LIFR: variants seen among roughly 807,000 people sequenced by gnomAD.
LIFR encodes the protein leukemia inhibitory factor receptor.
Under a neutral mutation model 122.2 loss-of-function variants are expected in LIFR, and 84 were observed. The ratio of observed to expected loss-of-function variants is 0.69; its 90% CI spans 0.58 to 0.82. The LOEUF (loss-of-function observed/expected upper bound fraction) is 0.82. Ranked by LOEUF, LIFR falls within the 40% of genes least tolerant of loss-of-function variation. The pLI, the probability that LIFR is intolerant of heterozygous loss-of-function variation, is 0.00. For missense variants in LIFR, 1,294 were observed against 1,311.6 expected, an observed-to-expected ratio of 0.99 and a Z score of 0.21; for synonymous variants, 422 against 434.7, an observed-to-expected ratio of 0.97 and a Z score of 0.36.
chr5:38,481,662 T>C lies in LIFR; in HGVS notation c.3227A>G (p.Asp1076Gly). ...RQFLIPPKDE[D>G]SPKSNGGGWS... ...CCCTCCTCCATTAGATTTAGGAGAG[T>C]CTTCATCTTTAGGAGGAATCAAAAA... is the stretch of plus-strand genomic sequence containing the variant. Residue 1076 changes from aspartate to glycine, a missense_variant, in exon 20 of 20, where the codon GAC becomes GGC. Physicochemically the swap from Asp to Gly is moderately conservative, Grantham distance 94. Transcript: ENST00000453190. The C allele has an allele frequency of 6.2e-7, 1 of 1,613,900 alleles. No homozygotes were observed. The highest frequency in any genetic ancestry group is 8.5e-7 in the Non-Finnish European group (1 of 1,179,836).
Position 38,506,569 on chromosome 5 carries a change from C to T in LIFR, c.1055G>A (p.Ser352Asn). 6.2e-7 allele frequency: 1 copy of T among 1,613,738 alleles called. No homozygotes were observed. Among genetic ancestry groups the T allele is most frequent in the East Asian group, 2.2e-5 (1 of 44,858 alleles). Residue 352 changes from serine (S) to asparagine (N), a missense_variant, in exon 8 of 20, where the codon AGT (serine) becomes AAT (asparagine). Coordinates refer to ENST00000453190, the MANE Select transcript of LIFR (RefSeq NM_001127671.2). Reference sequence around the variant, plus strand: ...CGCTGTCACCCTTCCTGGATTCCAACTACATATAATTTCTTTTAAATCATG... The same window carrying T: ...CGCTGTCACCCTTCCTGGATTCCAATTACATATAATTTCTTTTAAATCATG... ...ETHDLKEIICSWNPGRVTALV... is the reference protein window; with the variant it reads ...ETHDLKEIICNWNPGRVTALV...
At chr5:38,496,103 T>C (rs185598490) in intron 13 of LIFR, among the ~76,000 whole-genome samples, 203 of 152,292 alleles carry the variant, frequency 1.3e-3, no homozygotes, top group African/African-American at 4.8e-3. Flanking sequence ...TTAAAATATT[T>C]CTTCCTAAAA....
At chr5:38,521,661 T>C (rs563871836) in intron 5 of LIFR, among the ~76,000 whole-genome samples, 2 of 152,282 alleles carry the variant, frequency 1.3e-5, no homozygotes, top group East Asian at 3.9e-4. Context: ...CTCAGGCCCC[T>C]GGCCAGCAGG....
At chr5:38,520,347 C>T (rs1746336649) in intron 5 of LIFR, among the ~76,000 whole-genome samples, 1 of 152,046 alleles carries the variant, frequency 6.6e-6, no homozygotes, top group African/African-American at 2.4e-5. Flanking sequence ...TTTTAGTTCA[C>T]GGTAGGTTCT....
At chr5:38,590,650 C>T (rs1749893546) in intron 1 of LIFR, among the ~76,000 whole-genome samples, 1 of 152,178 alleles carries the variant, frequency 6.6e-6, no homozygotes, top group Non-Finnish European at 1.5e-5. Flanking sequence ...AATTCATTAG[C>T]ATGTATTGAG....
intron 12 of LIFR, 147 bp from the exon 13 acceptor site, chr5:38,496,742 C>T (rs1224525036): frequency 2.2e-5 from 15 of 688,956 alleles, no homozygotes; most frequent in East Asian, 1.9e-4. Flanking sequence ...GCACTTAGGC[C>T]GAGGCAGGTG....
At position 38,478,214 on chromosome 5, in the gene LIFR, A is replaced by G; in HGVS notation, c.*3381T>C. 4.8e-6 allele frequency: 1 copy of G among 207,720 alleles called. No individual in the cohort carries two copies. Among genetic ancestry groups the G allele is most frequent in the Non-Finnish European group, 9.8e-6 (1 of 101,966 alleles). 12.9% of individuals were successfully genotyped at this position (207,720 alleles called of 1,614,324 possible). ...TATAGGACTTATTTCCAACAAGAAT[A>G]CAATATGCATGAAGTTTTGAAAATG... On this transcript the variant is annotated 3_prime_UTR_variant, in exon 20 of 20. Coordinates refer to ENST00000453190, the MANE Select transcript of LIFR (RefSeq NM_001127671.2).
Position 38,499,401 on chromosome 5 carries a change from G to C in LIFR, c.1671+112C>G, listed in dbSNP as rs1042776064. ...ACCAGGTTAGATTCTCACCAATATT[G>C]CAACAAAAGCCAGTCTGGGAAGTTT... On this transcript the variant is annotated intron_variant, in intron 12 of 19. Coordinates refer to ENST00000453190, the MANE Select transcript of LIFR (RefSeq NM_001127671.2). 2.6e-5 allele frequency: 20 copies of C among 757,688 alleles called. No homozygotes were observed. The African/African-American group carries it at 2.8e-4, about 10-fold the overall frequency. The allele number at this position is 757,688 out of a possible 1,614,324, so 46.9% of individuals were successfully genotyped here. A position where few individuals can be genotyped will look rare whatever the true frequency, so the allele number is the denominator to read the frequency against.
At position 38,548,289 on chromosome 5, in the gene LIFR, T is replaced by A. The variant is rs569439838; in HGVS notation, c.-20+8045A>T. Reference sequence around the variant, plus strand: ...TTGTGTAATGTAAGTCATCACTAAATCATTCATGAATGTCAACGAAGTGAA... The same window carrying A: ...TTGTGTAATGTAAGTCATCACTAAAACATTCATGAATGTCAACGAAGTGAA... On this transcript the variant is annotated intron_variant, in intron 1 of 19. Transcript: ENST00000453190. Among the ~76,000 whole-genome samples the A allele has an allele frequency of 7.2e-5, 11 of 152,324 alleles. No homozygotes were observed. In the South Asian group the frequency reaches 2.3e-3, roughly 32 times the overall value.
intron 1 of LIFR, among the ~76,000 whole-genome samples, chr5:38,544,593 C>T (rs536136211): frequency 6.6e-6 from 1 of 152,180 alleles, no homozygotes; most frequent in Non-Finnish European, 1.5e-5. Flanking sequence ...AAATCCCGCA[C>T]CACAACCACA....
At chr5:38,582,216 G>A (rs1056391339) in intron 1 of LIFR, among the ~76,000 whole-genome samples, 1 of 151,932 alleles carries the variant, frequency 6.6e-6, no homozygotes. Flanking sequence ...CCTGGCTACA[G>A]CCTTTTCTTG....
chr5:38,543,599 C>T (rs1462844389), intron 1 of LIFR, among the ~76,000 whole-genome samples: 2 of 152,180 alleles, frequency 1.3e-5, no homozygotes, highest in African/African-American at 4.8e-5. Flanking sequence ...AAATTCTCCT[C>T]AGGAGATATC....
chr5:38,490,542 AC>A, intron 14 of LIFR: 1 of 223,644 alleles, frequency 4.5e-6, no homozygotes. Flanking sequence ...GAAGAGAACA[AC>A]GATGATTTAA....
chr5:38,580,445 C>G (rs1034487497), intron 1 of LIFR, among the ~76,000 whole-genome samples: 2 of 150,732 alleles, frequency 1.3e-5, no homozygotes, highest in African/African-American at 4.8e-5. Context: ...TCTGGCTCTT[C>G]CTCCTAGATC....
chr5:38,506,423 T>C (rs1022067068), intron 8 of LIFR, 80 bp downstream of exon 8: 41 of 1,490,072 alleles, frequency 2.8e-5, no homozygotes, highest in Non-Finnish European at 3.6e-5. Context: ...ATAAATGATC[T>C]AGTGCAGTTC....
rs3079290 is a variant in LIFR at position 38,592,656 on chromosome 5, C to CA, written c.-20+2604dup. Among the ~76,000 whole-genome samples the CA allele has an allele frequency of 8.1e-3, 932 of 115,584 alleles. 14 individuals are homozygous for CA. The highest frequency in any genetic ancestry group is 0.012 in the Non-Finnish European group (633 of 50,692). 75.8% of individuals were successfully genotyped at this position (115,584 alleles called of 152,430 possible). A position where few individuals can be genotyped will look rare whatever the true frequency, so the allele number is the denominator to read the frequency against. ...TGGGCGACAGAGCGAGACTCCGTCTCAAAAAAAAAAAAAAAAAAAGTTACG... is the reference window on the plus strand; with the variant it reads ...TGGGCGACAGAGCGAGACTCCGTCTCAAAAAAAAAAAAAAAAAAAAGTTACG... On this transcript the variant is annotated intron_variant, in intron 1 of 19. Transcript: ENST00000263409.
chr5:38,573,848 G>A (rs1343871582), intron 1 of LIFR, among the ~76,000 whole-genome samples: 1 of 152,128 alleles, frequency 6.6e-6, no homozygotes, highest in East Asian at 1.9e-4. Context: ...GCTGGGTGCG[G>A]TGGCTCACAC....
intron 1 of LIFR, chr5:38,530,948 T>A: frequency 2.9e-6 from 1 of 340,206 alleles, no homozygotes; most frequent in Non-Finnish European, 5.5e-6. Flanking sequence ...TATAAGCACA[T>A]GGCTATCAAC....
intron 1 of LIFR, among the ~76,000 whole-genome samples, chr5:38,548,469 T>G (rs1748016141): frequency 6.6e-6 from 1 of 152,210 alleles, no homozygotes; most frequent in Non-Finnish European, 1.5e-5. Flanking sequence ...AACTATCTAT[T>G]TATTGAGTGG....
Sources: gnomAD v4.1 joint callset for allele counts (sites outside exome capture counted in the v4.1 genomes callset) on GRCh38, gnomAD v4.1.1 for gene constraint, MANE v1.5 for transcripts, NCBI Gene and HGNC (gene_info 2026-07-23, HGNC 2026-07-21) for gene names.